The following SCNN1A variants were observed in gnomAD, a reference collection of about 807,000 sequenced individuals.
SCNN1A encodes sodium channel epithelial 1 subunit alpha.
In SCNN1A, 65 loss-of-function variants were observed where a neutral mutation model predicts 68.6. The observed-to-expected ratio is 0.95, with a 90% CI of 0.78 to 1.16. SCNN1A has a LOEUF of 1.16. Ranked by LOEUF, SCNN1A falls within the 50% of genes most tolerant of loss-of-function variation. SCNN1A has a pLI of 0.00. For synonymous variants in SCNN1A, 357 were observed against 353.3 expected (o/e 1.01, Z -0.12); for missense variants, 880 against 865.9 (o/e 1.02, Z -0.20).
At chr12:6,375,401 A>G in intron 1 of SCNN1A, 104 bp downstream of exon 1, 3 of 1,502,174 alleles carry the variant, frequency 2.0e-6, no homozygotes, top group Non-Finnish European at 2.7e-6. Flanking sequence ...GCAGGGCTCC[A>G]GGAGGTCTGG....
chr12:6,355,855 T>G lies in SCNN1A; in HGVS notation c.901A>C (p.Met301Leu), dbSNP rs1948488210. 2 of 1,612,346 alleles carry G rather than the reference T, an allele frequency of 1.2e-6. No individual in the cohort carries two copies. Among genetic ancestry groups the G allele is most frequent in the Non-Finnish European group, 8.5e-7 (1 of 1,178,484 alleles). ...TTGAAAGTATAGCAGTTTCCATACA[T>G]CGGGTGGTGGAAGTGAGAGTAATTC... ...QANYSHFHHP[M>L]YGNCYTFNDK... The change falls in exon 5 of 13, where the codon ATG becomes CTG. Residue 301 changes from methionine (M) to leucine (L), a missense_variant. Coordinates refer to ENST00000228916, the MANE Select transcript of SCNN1A (RefSeq NM_001038.6).
At chr12:6,357,453 TATCTC>T (rs1473739018) in intron 4 of SCNN1A, among the ~76,000 whole-genome samples, 2 of 151,124 alleles carry the variant, frequency 1.3e-5, no homozygotes, top group Non-Finnish European at 3.0e-5. Flanking sequence ...GGGCACCTAT[TATCTC>T]AGCTAGTCGG....
At chr12:6,368,071 C>T (rs763777525) in intron 2 of SCNN1A, among the ~76,000 whole-genome samples, 6 of 152,296 alleles carry the variant, frequency 3.9e-5, no homozygotes, top group African/African-American at 4.8e-5. Context: ...GCATAGCTAG[C>T]GTTTATCGAG....
Position 6,349,240 on chromosome 12 carries a change from G to T in SCNN1A, c.1440-19C>A. ...GGTCACGCTGGGGATGGAGAAAGGT[G>T]CTCAGTGTTGGGGCAGAGCTCTCCC... On this transcript the variant is annotated intron_variant, in intron 9 of 12. Transcript: ENST00000228916. The T allele has an allele frequency of 6.2e-7, 1 of 1,614,048 alleles. No individual in the cohort carries two copies. Among genetic ancestry groups the T allele is most frequent in the East Asian group, 2.2e-5 (1 of 44,876 alleles).
At chr12:6,375,718 G>A, upstream of SCNN1A, 2 of 1,426,970 alleles carry the variant, frequency 1.4e-6, no homozygotes, top group Non-Finnish European at 1.8e-6. Flanking sequence ...CTGGGCAGGG[G>A]CTTTAGACGC....
rs1948479095 is a variant in SCNN1A at position 6,355,445 on chromosome 12, CAG to C, written c.980-12_980-11del. On this transcript the variant is annotated splice_polypyrimidine_tract_variant and intron_variant, in intron 5 of 12. Transcript: ENST00000228916. ...AGCATCAGGGACAGACCTAGGGGTG[CAG>C]AGAGAGCAGAGTTGGCAGAGGCGGG... 6.2e-7 allele frequency: 1 copy of C among 1,613,330 alleles called. No homozygotes were observed. The highest frequency in any genetic ancestry group is 8.5e-7 in the Non-Finnish European group (1 of 1,179,828).
At position 6,374,364 on chromosome 12, in the gene SCNN1A, C is replaced by T. The variant is rs13306620; in HGVS notation, c.416+4G>A. On this transcript the variant is annotated splice_donor_region_variant and intron_variant, in intron 2 of 12. Transcript: ENST00000228916. This position sits in a 1 kb window ranked among gnomAD's most constrained non-coding sequence, Gnocchi z 6.2. ...CCAGGGAAGGGGCAGAGGGACTAAC[C>T]GACCTGTAGGGATTGAGGGTGCAGA... 8.7e-6 allele frequency: 14 copies of T among 1,613,826 alleles called. 1 individual carries two copies. In the East Asian group the frequency reaches 1.8e-4, roughly 21 times the overall value.
In SCNN1A at chr12:6,363,588, AG is replaced by A. The variant is rs1948621358; in HGVS notation, c.538del (p.Leu180CysfsTer12). The A allele has an allele frequency of 5.6e-6, 9 of 1,612,074 alleles. No individual in the cohort carries two copies. The highest frequency in any genetic ancestry group is 7.6e-6 in the Non-Finnish European group (9 of 1,179,214). On this transcript the variant is annotated frameshift_variant, in exon 3 of 13. Transcript: ENST00000228916. LOFTEE classifies it high-confidence loss of function. ...LVAGSRSRRDLRGTLPHPLQR... is the reference protein window; with the variant it reads ...LVAGSRSRRDXRGTLPHPLQR... ...CAAGGGGTGCGGCAGAGTCCCCCGC[AG>A]GTCGCGACGGCTGCGGGAGCCGGCC...
intron 2 of SCNN1A, among the ~76,000 whole-genome samples, chr12:6,369,661 T>C (rs559017733): frequency 3.9e-5 from 6 of 152,036 alleles, no homozygotes; most frequent in African/African-American, 1.4e-4. Flanking sequence ...CGAAACCCCG[T>C]CTCTACTAAA....
chr12:6,358,325 G>A (rs1948530631), intron 4 of SCNN1A, among the ~76,000 whole-genome samples: 1 of 152,180 alleles, frequency 6.6e-6, no homozygotes, highest in Non-Finnish European at 1.5e-5. Context: ...TTCATACATT[G>A]CTGTTGGGAA....
intron 3 of SCNN1A, among the ~76,000 whole-genome samples, chr12:6,362,689 T>G: frequency 6.7e-6 from 1 of 150,022 alleles, no homozygotes; most frequent in South Asian, 2.1e-4. Flanking sequence ...CCTTTCTTTC[T>G]TTTTTTTTGG....
intron 1 of SCNN1A, chr12:6,375,138 G>T (rs989396961): frequency 4.5e-5 from 66 of 1,473,794 alleles, no homozygotes; most frequent in Non-Finnish European, 5.6e-5. Context: ...CTCCCTTTCT[G>T]TCTCTGCCCC....
chr12:6,365,916 T>G (rs12322266), intron 2 of SCNN1A, among the ~76,000 whole-genome samples: 37,731 of 151,968 alleles, frequency 0.25, 4,906 homozygotes, highest in South Asian at 0.35. Flanking sequence ...TGGAGTGCAG[T>G]GCCGTGATCT....
chr12:6,371,289 C>T (rs1198344496), intron 2 of SCNN1A, among the ~76,000 whole-genome samples: 1 of 151,934 alleles, frequency 6.6e-6, no homozygotes, highest in Non-Finnish European at 1.5e-5. Context: ...TACCTCCCTG[C>T]CACTCTCCTG....
intron 2 of SCNN1A, among the ~76,000 whole-genome samples, chr12:6,369,273 GCCTCCCTCCTGCCACCCTACTCA>G (rs1295411202): frequency 0.01 from 1,313 of 125,526 alleles, 18 homozygotes; most frequent in East Asian, 0.043. Context: ...CACCCTACAC[GCCTCCCTCCTGCCACCCTACTCA>G]CCTCCCTCCT....
At chr12:6,359,402 G>T (rs1948547570) in intron 4 of SCNN1A, among the ~76,000 whole-genome samples, 1 of 152,146 alleles carries the variant, frequency 6.6e-6, no homozygotes, top group Non-Finnish European at 1.5e-5. Flanking sequence ...TAAACAGGAG[G>T]ATACAGTTTG....
chr12:6,366,001 C>A (rs910069586), intron 2 of SCNN1A, among the ~76,000 whole-genome samples: 3 of 152,062 alleles, frequency 2.0e-5, no homozygotes, highest in Non-Finnish European at 4.4e-5. Context: ...ACTACAGGTG[C>A]GTGCCACCAC....
chr12:6,366,619 G>A (rs1948683460), intron 2 of SCNN1A, among the ~76,000 whole-genome samples: 1 of 152,062 alleles, frequency 6.6e-6, no homozygotes, highest in South Asian at 2.1e-4. Context: ...TGACCAACAT[G>A]GAGAAACCCT....
chr12:6,375,796 C>A, upstream of SCNN1A: 2 of 1,380,440 alleles, frequency 1.4e-6, no homozygotes, highest in Non-Finnish European at 9.3e-7. Context: ...GTAGAAGGAT[C>A]CTGAGCCCAC....
Sources: gnomAD v4.1 joint callset for allele counts (sites outside exome capture counted in the v4.1 genomes callset) on GRCh38, gnomAD v4.1.1 for gene constraint, Gnocchi (gnomAD v3.1) non-coding constraint, MANE v1.5 for transcripts, NCBI Gene and HGNC (gene_info 2026-07-23, HGNC 2026-07-21) for gene names.